The following PALM2AKAP2 variants were observed in gnomAD, a reference collection of about 807,000 sequenced individuals.
PALM2AKAP2 encodes PALM2-AKAP2 fusion protein.
Under a neutral mutation model 71.5 loss-of-function variants are expected in PALM2AKAP2, and 37 were observed. That is an observed-to-expected ratio of 0.52 (90% CI 0.40 to 0.68). PALM2AKAP2 has a LOEUF of 0.68. Ranked by LOEUF, PALM2AKAP2 falls within the 30% of genes least tolerant of loss-of-function variation. The pLI is 0.00. For synonymous variants in PALM2AKAP2, 468 were observed against 478.8 expected, an observed-to-expected ratio of 0.98 and a Z score of 0.29; for missense variants, 1,224 against 1,191.8, an observed-to-expected ratio of 1.03 and a Z score of -0.40.
At chr9:109,996,227 A>G (rs759475631) in intron 6 of PALM2AKAP2, among the ~76,000 whole-genome samples, 1 of 152,250 alleles carries the variant, frequency 6.6e-6, no homozygotes, top group Non-Finnish European at 1.5e-5. Flanking sequence ...CCAGCCTAGT[A>G]AAATAAGGGT....
chr9:109,729,572 A>C (rs920387219), intron 1 of PALM2AKAP2, among the ~76,000 whole-genome samples: 1 of 152,208 alleles, frequency 6.6e-6, no homozygotes, highest in African/African-American at 2.4e-5. Context: ...GAAGAAATAA[A>C]TATGATCAGA....
chr9:109,999,347 C>T (rs115873747), intron 6 of PALM2AKAP2, among the ~76,000 whole-genome samples: 2,799 of 151,348 alleles, frequency 0.018, 97 homozygotes, highest in African/African-American at 0.065. Context: ...AGCAAGACTG[C>T]CTCAAAATAA....
intron 1 of PALM2AKAP2, among the ~76,000 whole-genome samples, chr9:109,853,995 C>T (rs1829088359): frequency 6.6e-6 from 1 of 152,204 alleles, no homozygotes; most frequent in African/African-American, 2.4e-5. Flanking sequence ...TAGAGCAGGG[C>T]TCAGCCAAGC....
intron 3 of PALM2AKAP2, among the ~76,000 whole-genome samples, chr9:109,881,876 C>CTTTTTTTTTTTTTTTTTTTTTTTTT (rs565835467): frequency 2.1e-5 from 2 of 95,116 alleles, no homozygotes; most frequent in African/African-American, 7.2e-5. Flanking sequence ...CTTATGAGCT[C>CTTTTTTTTTTTTTTTTTTTTTTTTT]TTTTTTTTTT....
chr9:109,905,511 G>A (rs574279149), intron 3 of PALM2AKAP2, among the ~76,000 whole-genome samples: 4 of 152,342 alleles, frequency 2.6e-5, no homozygotes, highest in South Asian at 2.1e-4. Context: ...GACTGTGCCC[G>A]TGAGAAACCA....
rs575257444 is a variant in PALM2AKAP2 at position 109,696,756 on chromosome 9, C to T, written c.5+55890C>T. On this transcript the variant is annotated intron_variant, in intron 1 of 6. Transcript: ENST00000374531. Reference sequence around the variant, plus strand: ...CGCCACTGTGAGTGTTGGCTGCTGACGGCTCACAGCTCACCCTTCCCCAGA... The same window carrying T: ...CGCCACTGTGAGTGTTGGCTGCTGATGGCTCACAGCTCACCCTTCCCCAGA... Among the ~76,000 whole-genome samples, 24 of 152,280 alleles carry T rather than the reference C, an allele frequency of 1.6e-4. No homozygotes were observed. In the South Asian group the frequency reaches 2.1e-3, roughly 13 times the overall value.
chr9:109,702,187 T>A (rs1178371917), intron 1 of PALM2AKAP2, among the ~76,000 whole-genome samples: 1 of 152,016 alleles, frequency 6.6e-6, no homozygotes, highest in Non-Finnish European at 1.5e-5. Context: ...GTGTGGCGAT[T>A]CCTCAGGGAT....
At chr9:110,161,330 T>C (rs1419097633) in intron 3 of PALM2AKAP2, among the ~76,000 whole-genome samples, 1 of 152,190 alleles carries the variant, frequency 6.6e-6, no homozygotes, top group Non-Finnish European at 1.5e-5. Flanking sequence ...AAATGTACGC[T>C]CATTACCATA....
rs116641699 is a variant in PALM2AKAP2 at position 109,998,848 on chromosome 9, G to A, written c.497-17106G>A. On this transcript the variant is annotated intron_variant, in intron 6 of 9. Coordinates refer to the PALM2AKAP2 transcript ENST00000302798. Reference sequence around the variant, plus strand: ...TGTGAGGTAGTAAGAACCATGACCAGGAAAAGGCCATGTCATCCATCAGGT... The same window carrying A: ...TGTGAGGTAGTAAGAACCATGACCAAGAAAAGGCCATGTCATCCATCAGGT... Among the ~76,000 whole-genome samples the A allele has an allele frequency of 8.9e-3, 1,354 of 151,880 alleles. 25 individuals carry two copies. Among genetic ancestry groups the A allele is most frequent in the African/African-American group, 0.031 (1,270 of 41,350 alleles).
At chr9:109,782,744 T>TTGTGTG (rs71492863) in intron 1 of PALM2AKAP2, among the ~76,000 whole-genome samples, 2,168 of 144,282 alleles carry the variant, frequency 0.015, 36 homozygotes, top group African/African-American at 0.048. Context: ...GTGTGTTTGT[T>TTGTGTG]TGTGTGTGTG....
chr9:109,641,259 G>T (rs1263171731), intron 1 of PALM2AKAP2, among the ~76,000 whole-genome samples: 4 of 152,248 alleles, frequency 2.6e-5, no homozygotes, highest in Non-Finnish European at 5.9e-5. Context: ...AAAAAAGAGG[G>T]AGGGGGTCAC....
intron 6 of PALM2AKAP2, among the ~76,000 whole-genome samples, chr9:109,979,181 T>C (rs1832224211): frequency 1.3e-5 from 2 of 152,114 alleles, no homozygotes. Flanking sequence ...TTAGTAGAGA[T>C]GGGATTTCAC....
chr9:110,161,958 G>C (rs1650897683), intron 3 of PALM2AKAP2, 136 bp from the exon 10 acceptor site: 1 of 1,095,696 alleles, frequency 9.1e-7, no homozygotes, highest in African/African-American at 1.6e-5. Context: ...GAAAGTTTTG[G>C]CATGGGTGTA....
chr9:109,734,721 G>A (rs1342459451), intron 1 of PALM2AKAP2, among the ~76,000 whole-genome samples: 4 of 152,146 alleles, frequency 2.6e-5, no homozygotes, highest in African/African-American at 9.7e-5. Flanking sequence ...GAACCAATTA[G>A]CTATCCCAAA....
intron 1 of PALM2AKAP2, among the ~76,000 whole-genome samples, chr9:110,081,471 TA>T (rs1223531174): frequency 5.3e-5 from 8 of 152,344 alleles, no homozygotes; most frequent in African/African-American, 1.9e-4. Context: ...CTGTGTTTCT[TA>T]GTGGATTATG....
intron 1 of PALM2AKAP2, among the ~76,000 whole-genome samples, chr9:109,752,142 G>T (rs971276525): frequency 6.6e-6 from 1 of 152,104 alleles, no homozygotes; most frequent in African/African-American, 2.4e-5. Flanking sequence ...GGTGGCAGAA[G>T]AGTCCAGAAA....
At chr9:109,801,363 G>A (rs1261815499) in intron 1 of PALM2AKAP2, among the ~76,000 whole-genome samples, 1 of 152,162 alleles carries the variant, frequency 6.6e-6, no homozygotes, top group Non-Finnish European at 1.5e-5. Context: ...TAAAACTGGA[G>A]CATCAAGAAA....
chr9:109,814,800 C>G (rs895848454), intron 1 of PALM2AKAP2, among the ~76,000 whole-genome samples: 1 of 152,164 alleles, frequency 6.6e-6, no homozygotes, highest in Non-Finnish European at 1.5e-5. Flanking sequence ...AAGCAGTTCC[C>G]TGTAACTGGA....
intron 1 of PALM2AKAP2, among the ~76,000 whole-genome samples, chr9:109,671,367 T>C (rs1273595702): frequency 6.6e-6 from 1 of 152,210 alleles, no homozygotes; most frequent in Non-Finnish European, 1.5e-5. Context: ...GAGATTTCTT[T>C]CCTTATTGCT....
Sources: allele counts gnomAD v4.1 joint callset (sites outside exome capture counted in the v4.1 genomes callset), GRCh38; gene constraint gnomAD v4.1.1; transcripts MANE v1.5; gene names NCBI Gene and HGNC (gene_info 2026-07-23, HGNC 2026-07-21).